Variants in TTC3 observed in about 807,000 individuals in gnomAD.
TTC3 encodes the protein tetratricopeptide repeat domain 3.
TTC3 carries 180 observed loss-of-function variants against 249.6 expected under a neutral mutation model. That is an observed-to-expected ratio of 0.72 (90% CI 0.64 to 0.82). The LOEUF is 0.82. Ranked by LOEUF, TTC3 falls within the 40% of genes least tolerant of loss-of-function variation. The probability of loss-of-function intolerance (pLI) is 0.00; values close to 1 mark genes in which losing one functional copy is unlikely to be tolerated. For synonymous variants in TTC3, 717 were observed against 805.0 expected, an observed-to-expected ratio of 0.89 and a Z score of 1.85; for missense variants, 2,061 against 2,398.4, an observed-to-expected ratio of 0.86 and a Z score of 2.94.
At chr21:37,159,545 C>A in intron 28 of TTC3, 154 bp from the exon 29 acceptor site, 1 of 726,792 alleles carries the variant, frequency 1.4e-6, no homozygotes, top group South Asian at 2.1e-5. Context: ...AGCCATTTTG[C>A]CCTTGGTTTC....
chr21:37,131,205 A>G (rs993142771), intron 16 of TTC3, among the ~76,000 whole-genome samples: 11 of 152,126 alleles, frequency 7.2e-5, no homozygotes, highest in African/African-American at 2.7e-4. Context: ...AGTGCCTCAG[A>G]TAGTTCAGGA....
At chr21:37,124,366 C>T (rs1464587946) in intron 13 of TTC3, among the ~76,000 whole-genome samples, 1 of 151,976 alleles carries the variant, frequency 6.6e-6, no homozygotes, top group African/African-American at 2.4e-5. Flanking sequence ...ATCCACCTGC[C>T]CTGGGCTCCC....
At chr21:37,169,826 C>T (rs560831938) in intron 34 of TTC3, among the ~76,000 whole-genome samples, 3 of 150,362 alleles carry the variant, frequency 2.0e-5, no homozygotes, top group African/African-American at 7.4e-5. Flanking sequence ...CTAGCCCGGG[C>T]GACAGTGCGA....
At chr21:37,181,778 T>A (rs1354074247) in intron 35 of TTC3, among the ~76,000 whole-genome samples, 1 of 152,150 alleles carries the variant, frequency 6.6e-6, no homozygotes, top group Non-Finnish European at 1.5e-5. Flanking sequence ...TTGATAGAGC[T>A]TTTGACCTGA....
intron 21 of TTC3, among the ~76,000 whole-genome samples, chr21:37,146,909 A>G (rs1165126427): frequency 1.3e-5 from 2 of 152,208 alleles, no homozygotes; most frequent in African/African-American, 2.4e-5. Flanking sequence ...ACCTCTCTTC[A>G]TACAAGATTG....
At chr21:37,140,341 T>C (rs1165583197) in intron 19 of TTC3, among the ~76,000 whole-genome samples, 1 of 152,238 alleles carries the variant, frequency 6.6e-6, no homozygotes, top group East Asian at 1.9e-4. Flanking sequence ...TTGTCTGATG[T>C]GTTCAGCAGG....
At chr21:37,191,900 T>C (rs12482751) in intron 40 of TTC3, among the ~76,000 whole-genome samples, 2,209 of 152,334 alleles carry the variant, frequency 0.015, 127 homozygotes, top group Admixed American at 0.11. Context: ...GAAGTAGTGA[T>C]ATTTTCTTAA....
At chr21:37,073,293 A>AGGTGGC (rs1347921676) in exon 1 of TTC3, 1 of 266,070 alleles carries the variant, frequency 3.8e-6, no homozygotes, top group Admixed American at 7.1e-5. Flanking sequence ...GGAGGGCCGG[A>AGGTGGC]GGTGGCGGCG....
At chr21:37,197,852 C>T in intron 43 of TTC3, 30 bp from the exon 44 acceptor site, 1 of 1,600,144 alleles carries the variant, frequency 6.2e-7, no homozygotes, top group Non-Finnish European at 8.5e-7. Context: ...CCCTCTTGTC[C>T]CCTCCCCGCC....
intron 31 of TTC3, among the ~76,000 whole-genome samples, chr21:37,163,307 C>T (rs904151380): frequency 1.3e-5 from 2 of 152,216 alleles, no homozygotes; most frequent in African/African-American, 4.8e-5. Flanking sequence ...TTAGAGTCCA[C>T]ACTCAAACTA....
At chr21:37,104,492 A>C (rs1601446079) in intron 10 of TTC3, among the ~76,000 whole-genome samples, 1 of 149,730 alleles carries the variant, frequency 6.7e-6, no homozygotes, top group East Asian at 2.0e-4. Flanking sequence ...CGGGAGGCTG[A>C]GGCAGGAGAA....
exon 21 of TTC3, chr21:37,144,629 A>G: frequency 6.2e-7 from 1 of 1,609,186 alleles, no homozygotes; most frequent in African/African-American, 1.3e-5. Context: ...GAAGAGTCTC[A>G]GCCACAAAAA....
In TTC3 at chr21:37,084,714, G is replaced by A. The variant is rs528445750; in HGVS notation, c.-11-2533G>A. Among the ~76,000 whole-genome samples, 4 of 152,334 alleles carry A rather than the reference G, an allele frequency of 2.6e-5. No homozygotes were observed. The South Asian group carries it at 8.3e-4, about 32-fold the overall frequency. On this transcript the variant is annotated intron_variant, in intron 1 of 45. Transcript: ENST00000355666. ...TCTCTAGTTAAAAACAAAATACAAG[G>A]CCGGGTGCGGTGGCTCACGCCTGTA...
intron 24 of TTC3, 108 bp from the exon 25 acceptor site, chr21:37,150,712 A>G: frequency 1.3e-6 from 1 of 775,398 alleles, no homozygotes; most frequent in Non-Finnish European, 2.3e-6. Context: ...ACTGTTCTCT[A>G]TCAAACTGAA....
Position 37,088,865 on chromosome 21 carries a change from GGATTTGGCAAA to G in TTC3, c.408_418del (p.Asp136GlufsTer4). 1 of 1,613,662 alleles carries G rather than the reference GGATTTGGCAAA, an allele frequency of 6.2e-7. No individual in the cohort carries two copies. The highest frequency in any genetic ancestry group is 8.5e-7 in the Non-Finnish European group (1 of 1,179,824). ...ATCTTGAGTTGATGGAAGATATTGT[GGATTTGGCAAA>G]GAAAGTTGCTGTAAGTGGTAGAATG... is the stretch of plus-strand genomic sequence containing the variant. On this transcript the variant is annotated frameshift_variant, in exon 5 of 46. Transcript: ENST00000355666. LOFTEE classifies it high-confidence loss of function.
rs1231173191 is a variant in TTC3, at chr21:37,090,481, T to TA, written c.480+196dup. On this transcript the variant is annotated intron_variant, in intron 6 of 45. Transcript: ENST00000355666. The stretch of plus-strand genomic sequence containing the variant: ...TCATTTTCTCTCTTTTTTTTTTTTT[T>TA]ACCCATGTACATAGTGTAATTTTGA... 2.1e-5 allele frequency: 12 copies of TA among 582,958 alleles called. No homozygotes were observed. The South Asian group carries it at 2.9e-4, about 14-fold the overall frequency. 36.1% of individuals were successfully genotyped at this position (582,958 alleles called of 1,614,324 possible).
At chr21:37,103,726 G>C (rs1238244249) in intron 10 of TTC3, among the ~76,000 whole-genome samples, 1 of 152,174 alleles carries the variant, frequency 6.6e-6, no homozygotes. Flanking sequence ...AACAGCCTCT[G>C]TGTTTCAGAC....
intron 1 of TTC3, among the ~76,000 whole-genome samples, chr21:37,074,239 G>T (rs976869723): frequency 1.3e-5 from 2 of 152,364 alleles, no homozygotes; most frequent in African/African-American, 4.8e-5. Flanking sequence ...TAATGGGAAG[G>T]GGGGTGGACA....
intron 20 of TTC3, among the ~76,000 whole-genome samples, chr21:37,140,949 TATAG>T (rs1051506952): frequency 3.9e-5 from 6 of 152,260 alleles, no homozygotes; most frequent in African/African-American, 7.2e-5. Flanking sequence ...TATAATCATC[TATAG>T]ATAGTGAGTG....
Sources: allele counts gnomAD v4.1 joint callset (sites outside exome capture counted in the v4.1 genomes callset), GRCh38; gene constraint gnomAD v4.1.1; transcripts MANE v1.5; gene names NCBI Gene and HGNC (gene_info 2026-07-23, HGNC 2026-07-21).